FRMD4A: variants seen among roughly 807,000 people sequenced by gnomAD.
FRMD4A encodes the protein FERM domain containing 4A.
Under a neutral mutation model 129.1 loss-of-function variants are expected in FRMD4A, and 29 were observed. That is an observed-to-expected ratio of 0.22 (90% confidence interval 0.17 to 0.31). The LOEUF (loss-of-function observed/expected upper bound fraction) is 0.31, where lower values mean the gene tolerates loss of function less well. FRMD4A is among the 10% of genes least tolerant of loss of function. The pLI is 1.00. For missense variants in FRMD4A, 1,272 were observed against 1,375.8 expected (o/e 0.92, Z 1.19); for synonymous variants, 634 against 571.6 (o/e 1.11, Z -1.56).
At chr10:14,134,759 T>C (rs1390479199) in intron 2 of FRMD4A, among the ~76,000 whole-genome samples, 1 of 152,032 alleles carries the variant, frequency 6.6e-6, no homozygotes, top group East Asian at 1.9e-4. Flanking sequence ...GGATAGAAAG[T>C]CATAGAGACA....
At chr10:13,747,130 T>C (rs1031190587) in intron 9 of FRMD4A, among the ~76,000 whole-genome samples, 1 of 150,680 alleles carries the variant, frequency 6.6e-6, no homozygotes, top group African/African-American at 2.5e-5. Context: ...TCGAAGGCGG[T>C]GAAGCTTCCA....
At chr10:13,983,807 T>A (rs1565154617) in intron 2 of FRMD4A, among the ~76,000 whole-genome samples, 1 of 151,538 alleles carries the variant, frequency 6.6e-6, no homozygotes, top group Non-Finnish European at 1.5e-5. Flanking sequence ...CGAGACCAAA[T>A]TCGCCAATGT....
chr10:14,169,158 G>C (rs139189682), intron 2 of FRMD4A, among the ~76,000 whole-genome samples: 122 of 151,846 alleles, frequency 8.0e-4, no homozygotes, highest in Non-Finnish European at 1.4e-3. Context: ...GCTCCTCCTG[G>C]GTTCTCAGGT....
At chr10:13,788,005 G>C (rs1183756475) in intron 5 of FRMD4A, among the ~76,000 whole-genome samples, 1 of 152,182 alleles carries the variant, frequency 6.6e-6, no homozygotes, top group Non-Finnish European at 1.5e-5. Flanking sequence ...GAACATTCCA[G>C]GTCTCTGGGT....
At chr10:13,814,596 AAAAAAAAAAAAG>A (rs1237632128) in intron 3 of FRMD4A, among the ~76,000 whole-genome samples, 9 of 142,674 alleles carry the variant, frequency 6.3e-5, no homozygotes, top group Non-Finnish European at 9.6e-5. Flanking sequence ...AAAAAAAAAA[AAAAAAAAAAAAG>A]AAAGAAAGGG....
At chr10:14,092,270 T>C (rs1836704723) in intron 2 of FRMD4A, among the ~76,000 whole-genome samples, 6 of 152,230 alleles carry the variant, frequency 3.9e-5, no homozygotes, top group Admixed American at 3.3e-4. Context: ...TCGGGTTCTA[T>C]TCTCCTATTG....
intron 2 of FRMD4A, among the ~76,000 whole-genome samples, chr10:14,130,961 CACCATGGTGGAA>C (rs1247986705): frequency 6.6e-6 from 1 of 152,150 alleles, no homozygotes; most frequent in African/African-American, 2.4e-5. Context: ...GAGTTTAATG[CACCATGGTGGAA>C]ACTTAGTATC....
intron 2 of FRMD4A, among the ~76,000 whole-genome samples, chr10:13,987,316 T>C (rs1375249083): frequency 6.6e-6 from 1 of 152,132 alleles, no homozygotes; most frequent in Non-Finnish European, 1.5e-5. Context: ...AATCGACTCT[T>C]AAGAAACTTC....
chr10:13,761,570 C>T (rs546671139), intron 8 of FRMD4A, 77 bp downstream of exon 8: 3 of 955,178 alleles, frequency 3.1e-6, no homozygotes, highest in Non-Finnish European at 3.3e-6. Flanking sequence ...CTAAAAAGGA[C>T]ATCCTGATTA....
intron 2 of FRMD4A, among the ~76,000 whole-genome samples, chr10:13,975,555 T>C (rs532692887): frequency 6.6e-6 from 1 of 152,100 alleles, no homozygotes; most frequent in South Asian, 2.1e-4. Context: ...ATTGTGTATC[T>C]ATGTGTGTGT....
intron 2 of FRMD4A, among the ~76,000 whole-genome samples, chr10:14,239,783 GAGAA>G (rs1843974863): frequency 6.6e-6 from 1 of 152,214 alleles, no homozygotes; most frequent in Non-Finnish European, 1.5e-5. Flanking sequence ...CAGAGAATAG[GAGAA>G]AGAGAGAAAA....
At chr10:13,748,526 C>T (rs748337056) in intron 8 of FRMD4A, among the ~76,000 whole-genome samples, 1 of 152,124 alleles carries the variant, frequency 6.6e-6, no homozygotes, top group African/African-American at 2.4e-5. Context: ...GTCATGTCAA[C>T]ACTCAAAAAG....
At position 13,810,824 on chromosome 10, in the gene FRMD4A, T is replaced by C; in HGVS notation, c.196A>G (p.Thr66Ala). ...KEKEYFGIAF[T>A]DETGHLNWLQ... is the part of the protein sequence containing the mutation. The stretch of plus-strand genomic sequence containing the variant: ...CAAGGCAGTACTTACGTTTCATCTG[T>C]GAATGCTATTCCAAAGTACTCCTTT... Residue 66 changes from threonine to alanine, a missense_variant, in exon 4 of 25, where the codon ACA (threonine) becomes GCA (alanine). Physicochemically the swap from Thr to Ala is moderately conservative, Grantham distance 58. Coordinates refer to ENST00000357447, the MANE Select transcript of FRMD4A (RefSeq NM_018027.5). 2 of 1,559,816 alleles carry C rather than the reference T, an allele frequency of 1.3e-6. No homozygotes were observed. The highest frequency in any genetic ancestry group is 1.8e-6 in the Non-Finnish European group (2 of 1,131,242).
At chr10:14,039,601 T>C (rs1253029835) in intron 2 of FRMD4A, among the ~76,000 whole-genome samples, 1 of 152,178 alleles carries the variant, frequency 6.6e-6, no homozygotes, top group African/African-American at 2.4e-5. Context: ...CCTTCCATTC[T>C]ATTCAAAGTC....
chr10:13,649,693 C>T (rs1037274891), intron 24 of FRMD4A: 2 of 152,154 alleles, frequency 1.3e-5, no homozygotes, highest in Non-Finnish European at 2.9e-5. Context: ...GTCTTTTATT[C>T]TCAAGTCTGG....
chr10:13,787,143 G>GA (rs200162557), intron 5 of FRMD4A, among the ~76,000 whole-genome samples: 4,023 of 152,012 alleles, frequency 0.026, 109 homozygotes, highest in East Asian at 0.09. Flanking sequence ...GAGATGAAGA[G>GA]AAAAAAAATC....
chr10:13,856,715 G>A (rs956666230), intron 3 of FRMD4A, among the ~76,000 whole-genome samples: 1 of 152,142 alleles, frequency 6.6e-6, no homozygotes, highest in Non-Finnish European at 1.5e-5. Flanking sequence ...AACTTCTCTC[G>A]TTCGCCTAAT....
intron 12 of FRMD4A, among the ~76,000 whole-genome samples, chr10:13,735,165 G>A (rs536667983): frequency 6.7e-4 from 102 of 152,266 alleles, no homozygotes; most frequent in Admixed American, 1.4e-3. Flanking sequence ...GAGCCACTGC[G>A]CCCGGCCACA....
chr10:13,833,879 G>A (rs1436151497), intron 3 of FRMD4A, among the ~76,000 whole-genome samples: 3 of 152,154 alleles, frequency 2.0e-5, no homozygotes, highest in Non-Finnish European at 2.9e-5. Context: ...CCCAGAGGCA[G>A]GGTCTGGGCG....
Sources: gnomAD v4.1 joint callset for allele counts (sites outside exome capture counted in the v4.1 genomes callset) on GRCh38, gnomAD v4.1.1 for gene constraint, MANE v1.5 for transcripts, NCBI Gene and HGNC (gene_info 2026-07-23, HGNC 2026-07-21) for gene names.